Variants in GABRB3 observed in about 807,000 individuals in gnomAD.
GABRB3 encodes gamma-aminobutyric acid type A receptor subunit beta3, also known as gamma-aminobutyric acid receptor subunit beta-3.
GABRB3 carries 14 observed loss-of-function variants against 52.1 expected under a neutral mutation model. The ratio of observed to expected loss-of-function variants is 0.27; its 90% CI spans 0.18 to 0.42. The LOEUF (loss-of-function observed/expected upper bound fraction) is 0.42, where lower values mean the gene tolerates loss of function less well. Ranked by LOEUF, GABRB3 falls within the 10% of genes least tolerant of loss-of-function variation. GABRB3 has a pLI of 1.00. For missense variants in GABRB3, 307 were observed against 609.1 expected (o/e 0.50, Z 5.22); for synonymous variants, 260 against 232.3 (o/e 1.12, Z -1.08).
intron 6 of GABRB3, among the ~76,000 whole-genome samples, chr15:26,574,407 A>G (rs1386797031): frequency 6.6e-6 from 1 of 152,212 alleles, no homozygotes; most frequent in Non-Finnish European, 1.5e-5. Context: ...TCCTAAGTAT[A>G]TGAGTTAATT....
At chr15:26,699,054 A>T (rs1044409355) in intron 3 of GABRB3, among the ~76,000 whole-genome samples, 4 of 152,208 alleles carry the variant, frequency 2.6e-5, no homozygotes, top group Non-Finnish European at 5.9e-5. Flanking sequence ...AGTTAATGTT[A>T]TGAGAACAGT....
intron 4 of GABRB3, among the ~76,000 whole-genome samples, chr15:26,620,479 T>C (rs1057015324): frequency 1.3e-5 from 2 of 152,210 alleles, no homozygotes; most frequent in Non-Finnish European, 2.9e-5. Flanking sequence ...TTCTCTAAGC[T>C]ATCCACATGT....
chr15:26,577,899 A>C (rs935376918), intron 6 of GABRB3, among the ~76,000 whole-genome samples: 8 of 152,166 alleles, frequency 5.3e-5, no homozygotes, highest in South Asian at 4.1e-4. Context: ...CGATCCTCCC[A>C]CTTCAGCCTC....
intron 4 of GABRB3, among the ~76,000 whole-genome samples, chr15:26,593,981 A>AATATATATATATAT (rs61218096): frequency 1.5e-3 from 199 of 133,960 alleles, no homozygotes; most frequent in Non-Finnish European, 2.4e-3. Flanking sequence ...CTCATTTTAA[A>AATATATATATATAT]ATATATATAT....
chr15:26,734,012 A>G (rs1055610378), intron 3 of GABRB3, among the ~76,000 whole-genome samples: 1 of 148,936 alleles, frequency 6.7e-6, no homozygotes, highest in Non-Finnish European at 1.5e-5. Flanking sequence ...GTAAGCCCTA[A>G]AACTATAGGG....
In GABRB3 at chr15:26,543,788, T is replaced by C. The variant is rs938437952; in HGVS notation, c.*4005A>G. On this transcript the variant is annotated 3_prime_UTR_variant, in exon 9 of 9. Transcript: ENST00000311550. The stretch of plus-strand genomic sequence containing the variant: ...AATCCTGTACTTACCTTAAACACAC[T>C]CACTGACTTGTGAAGTAGAAACATG... 1 of 152,600 alleles carries C rather than the reference T, an allele frequency of 6.6e-6. No homozygotes were observed. The highest frequency in any genetic ancestry group is 1.5e-5 in the Non-Finnish European group (1 of 68,038). The allele number at this position is 152,600 out of a possible 1,614,324, so 9.5% of individuals were successfully genotyped here. A position where few individuals can be genotyped will look rare whatever the true frequency, so the allele number is the denominator to read the frequency against.
chr15:26,680,792 G>A lies in GABRB3; in HGVS notation c.241-59258C>T, dbSNP rs189312800. Among the ~76,000 whole-genome samples, 581 of 152,258 alleles carry A rather than the reference G, an allele frequency of 3.8e-3. 3 individuals are homozygous for A. Among genetic ancestry groups the A allele is most frequent in the Non-Finnish European group, 5.1e-3 (347 of 68,020 alleles). On this transcript the variant is annotated intron_variant, in intron 3 of 8. Transcript: ENST00000311550. ...TAAGAGATACACTACTTTAAATGGT[G>A]GCAGCAGTGAGTGGAGAATGCAGCT... is the stretch of plus-strand genomic sequence containing the variant.
intron 3 of GABRB3, among the ~76,000 whole-genome samples, chr15:26,683,941 C>T (rs1320283143): frequency 2.0e-5 from 3 of 152,086 alleles, no homozygotes; most frequent in East Asian, 3.9e-4. Flanking sequence ...CACAAATCCA[C>T]CTCCAGGTTT....
chr15:26,668,958 T>C (rs776890634), intron 3 of GABRB3, among the ~76,000 whole-genome samples: 4 of 152,178 alleles, frequency 2.6e-5, no homozygotes, highest in Admixed American at 1.3e-4. Flanking sequence ...AATCACACCA[T>C]ATCGAACACA....
Position 26,560,973 on chromosome 15 carries a change from C to T in GABRB3, c.1039G>A (p.Ala347Thr). 6.2e-7 allele frequency: 1 copy of T among 1,614,152 alleles called. No individual in the cohort carries two copies. ...TTTGAACGGTCATTCTTTGCCTTGG[C>T]TGTCTTTTCTGCAAGCTTCTTCTGC... ...QRQKKLAEKT[A>T]KAKNDRSKSE... The change falls in exon 8 of 9, where the codon GCC becomes ACC. Residue 347 changes from alanine (A) to threonine (T), a missense_variant. Coordinates refer to ENST00000311550, the MANE Select transcript of GABRB3 (RefSeq NM_000814.6).
intron 3 of GABRB3, among the ~76,000 whole-genome samples, chr15:26,746,920 G>T (rs1349222744): frequency 2.0e-5 from 3 of 152,062 alleles, no homozygotes; most frequent in Non-Finnish European, 4.4e-5. Context: ...CCGGGAGGCG[G>T]AACTTGCAGT....
At chr15:26,752,865 G>A (rs1407321421) in intron 3 of GABRB3, among the ~76,000 whole-genome samples, 1 of 152,104 alleles carries the variant, frequency 6.6e-6, no homozygotes, top group Non-Finnish European at 1.5e-5. Context: ...ATCTGGCTCT[G>A]TCTGCCCCAC....
chr15:26,724,710 A>G (rs1288232853), intron 3 of GABRB3, among the ~76,000 whole-genome samples: 1 of 152,222 alleles, frequency 6.6e-6, no homozygotes, highest in East Asian at 1.9e-4. Flanking sequence ...ATGGAGAGGC[A>G]TGAGACTAAC....
intron 3 of GABRB3, among the ~76,000 whole-genome samples, chr15:26,749,708 T>C (rs1167672792): frequency 6.6e-6 from 1 of 152,182 alleles, no homozygotes; most frequent in Non-Finnish European, 1.5e-5. Flanking sequence ...AAAAAGTTTT[T>C]TGTGCTCTTA....
intron 4 of GABRB3, among the ~76,000 whole-genome samples, chr15:26,606,805 T>TATAGATAGATATATCTATAG (rs1555370516): frequency 3.5e-4 from 41 of 118,050 alleles, no homozygotes; most frequent in Middle Eastern, 5.2e-3. Flanking sequence ...TAGATATATC[T>TATAGATAGATATATCTATAG]ATAGATAGAT....
At chr15:26,601,367 G>A (rs541826572) in intron 4 of GABRB3, among the ~76,000 whole-genome samples, 12 of 151,518 alleles carry the variant, frequency 7.9e-5, no homozygotes, top group East Asian at 1.9e-4. Flanking sequence ...CTGAGATCGC[G>A]CCACTGCTCT....
chr15:26,699,308 T>C (rs1595537364), intron 3 of GABRB3, among the ~76,000 whole-genome samples: 1 of 152,014 alleles, frequency 6.6e-6, no homozygotes, highest in African/African-American at 2.4e-5. Context: ...CCCAAAAGGA[T>C]AAAATGTTTC....
Position 26,592,191 on chromosome 15 carries a change from T to G in GABRB3, c.462-8777A>C, listed in dbSNP as rs140370796. Among the ~76,000 whole-genome samples, 856 of 152,300 alleles carry G rather than the reference T, an allele frequency of 5.6e-3. 10 individuals are homozygous for G. Among genetic ancestry groups the G allele is most frequent in the African/African-American group, 0.02 (824 of 41,568 alleles). ...CCAAAGTGTGTCTGATTTCAAGGTT[T>G]AGTTATAACTCAGCAGCCAGACAGA... On this transcript the variant is annotated intron_variant, in intron 4 of 8. Coordinates refer to ENST00000311550, the MANE Select transcript of GABRB3 (RefSeq NM_000814.6).
chr15:26,669,938 C>T (rs1475224498), intron 3 of GABRB3, among the ~76,000 whole-genome samples: 2 of 152,190 alleles, frequency 1.3e-5, no homozygotes, highest in African/African-American at 2.4e-5. Context: ...CTCCTGATGC[C>T]GTGCACTGCA....
Sources: gnomAD v4.1 joint callset for allele counts (sites outside exome capture counted in the v4.1 genomes callset) on GRCh38, gnomAD v4.1.1 for gene constraint, MANE v1.5 for transcripts, NCBI Gene and HGNC (gene_info 2026-07-23, HGNC 2026-07-21) for gene names.